Variants in SESN1 observed in about 807,000 individuals in gnomAD.
The protein encoded by SESN1 is sestrin-1.
In SESN1, 30 loss-of-function variants were observed where a neutral mutation model predicts 59.3. That is an observed-to-expected ratio of 0.51 (90% confidence interval 0.38 to 0.69). The LOEUF (loss-of-function observed/expected upper bound fraction) is 0.69, where lower values mean the gene tolerates loss of function less well. Among genes scored for constraint, SESN1 ranks in the 30% least tolerant of loss-of-function variants. The pLI is 0.00. For synonymous variants in SESN1, 197 were observed against 219.9 expected (o/e 0.90, Z 0.92); for missense variants, 566 against 673.0 (o/e 0.84, Z 1.76).
chr6:109,011,843 G>A (rs73518336), intron 1 of SESN1, among the ~76,000 whole-genome samples: 1,522 of 151,804 alleles, frequency 0.01, 34 homozygotes, highest in African/African-American at 0.035. Context: ...TGTCTAGGCT[G>A]GTCTCAAATT....
chr6:109,075,868 G>A (rs945405715), intron 1 of SESN1, among the ~76,000 whole-genome samples: 1 of 152,082 alleles, frequency 6.6e-6, no homozygotes, highest in African/African-American at 2.4e-5. Flanking sequence ...CCCCCTCCCC[G>A]ACCCCAGAGG....
At chr6:109,001,262 C>A (rs960415353) in intron 3 of SESN1, 26 bp downstream of exon 3, 5 of 1,602,034 alleles carry the variant, frequency 3.1e-6, no homozygotes, top group Non-Finnish European at 4.3e-6. Context: ...TAGGCAAAAA[C>A]AATTTTTCAC....
rs974097192 is a variant in SESN1, at chr6:108,986,722, A to G, written c.*822T>C. On this transcript the variant is annotated 3_prime_UTR_variant, in exon 10 of 10. Coordinates refer to ENST00000436639, the MANE Select transcript of SESN1 (RefSeq NM_014454.3). ...GGACTGCGCAGCAGTCTACAGCAAC[A>G]TGTCCCACAACTTTGGTGCTGGAAA... The G allele has an allele frequency of 6.6e-6, 1 of 152,258 alleles. No homozygotes were observed. Among genetic ancestry groups the G allele is most frequent in the Non-Finnish European group, 1.5e-5 (1 of 68,054 alleles). 9.4% of individuals were successfully genotyped at this position (152,258 alleles called of 1,614,324 possible).
intron 6 of SESN1, among the ~76,000 whole-genome samples, chr6:108,993,809 C>G (rs960324704): frequency 2.0e-5 from 3 of 152,004 alleles, no homozygotes; most frequent in African/African-American, 7.3e-5. Context: ...GAATGCCTGG[C>G]TTCAAGGTGA....
At chr6:109,021,371 T>C (rs1780007919) in intron 1 of SESN1, among the ~76,000 whole-genome samples, 1 of 152,168 alleles carries the variant, frequency 6.6e-6, no homozygotes, top group Non-Finnish European at 1.5e-5. Flanking sequence ...CCCCCAATAT[T>C]TCATTGTTTT....
intron 1 of SESN1, among the ~76,000 whole-genome samples, chr6:109,033,142 TAGA>T (rs1428649505): frequency 6.6e-6 from 1 of 152,150 alleles, no homozygotes; most frequent in Non-Finnish European, 1.5e-5. Flanking sequence ...GGTGTGATTT[TAGA>T]AGATTAAGAG....
intron 1 of SESN1, among the ~76,000 whole-genome samples, chr6:109,086,666 G>A (rs145505875): frequency 4.6e-4 from 70 of 152,316 alleles, no homozygotes; most frequent in Middle Eastern, 3.4e-3. Context: ...CCTTCATGAT[G>A]TCATGAACAA....
At chr6:109,071,247 G>A (rs750256111) in intron 1 of SESN1, among the ~76,000 whole-genome samples, 3 of 152,076 alleles carry the variant, frequency 2.0e-5, no homozygotes, top group Non-Finnish European at 4.4e-5. Flanking sequence ...ACGAGTTCAG[G>A]TCGTGTTTGG....
Position 108,988,595 on chromosome 6 carries a change from A to G in SESN1, c.1517T>C (p.Val506Ala). The change falls in exon 9 of 10, where the codon GTT becomes GCT. Residue 506 changes from valine (V) to alanine (A), a missense_variant. Val to Ala is a moderately conservative substitution (Grantham distance 64). Transcript: ENST00000436639. ...IKTVVCTPEK[V>A]TKRMYDSFWR... ...GAAGCTATCATACATTCTTTTGGTAACCTTTTCAGGAGTGCAAACAACAGT... is the reference window on the plus strand; with the variant it reads ...GAAGCTATCATACATTCTTTTGGTAGCCTTTTCAGGAGTGCAAACAACAGT... 2 of 1,613,330 alleles carry G rather than the reference A, an allele frequency of 1.2e-6. No individual in the cohort carries two copies. Among genetic ancestry groups the G allele is most frequent in the African/African-American group, 1.3e-5 (1 of 75,028 alleles).
chr6:109,092,291 T>A (rs2114486134), intron 1 of SESN1, among the ~76,000 whole-genome samples: 1 of 152,300 alleles, frequency 6.6e-6, no homozygotes, highest in African/African-American at 2.4e-5. Context: ...CTAAGAAAGG[T>A]CAAGGAATTT....
At chr6:109,049,612 T>C (rs149672581) in intron 1 of SESN1, among the ~76,000 whole-genome samples, 4 of 151,998 alleles carry the variant, frequency 2.6e-5, no homozygotes, top group Non-Finnish European at 5.9e-5. Flanking sequence ...CACATTGTAA[T>C]TGAAACACTA....
At chr6:109,051,930 G>A (rs1308658844) in intron 1 of SESN1, among the ~76,000 whole-genome samples, 1 of 152,078 alleles carries the variant, frequency 6.6e-6, no homozygotes, top group Non-Finnish European at 1.5e-5. Context: ...CAGCCCTCTG[G>A]CCTAATCACC....
chr6:109,061,678 C>A (rs938625296), intron 1 of SESN1, among the ~76,000 whole-genome samples: 1 of 152,004 alleles, frequency 6.6e-6, no homozygotes, highest in African/African-American at 2.4e-5. Context: ...GTAGCACACA[C>A]CTGTAGTCTT....
chr6:109,034,447 A>C (rs938275278), intron 1 of SESN1, among the ~76,000 whole-genome samples: 1 of 152,200 alleles, frequency 6.6e-6, no homozygotes, highest in Admixed American at 6.5e-5. Context: ...TTATTTATCA[A>C]TTCTTTGAGT....
At position 108,985,524 on chromosome 6, in the gene SESN1, G is replaced by A. The variant is rs547580204; in HGVS notation, c.*2020C>T. ...AAGCACCTGCTAAATGGAAGGCATT[G>A]AAACATTAACTTTGTATCACATGCA... On this transcript the variant is annotated 3_prime_UTR_variant, in exon 10 of 10. Coordinates refer to ENST00000436639, the MANE Select transcript of SESN1 (RefSeq NM_014454.3). Among the ~76,000 whole-genome samples, 115 of 152,296 alleles carry A rather than the reference G, an allele frequency of 7.6e-4. 1 individual carries two copies. The highest frequency in any genetic ancestry group is 6.8e-3 in the Middle Eastern group (2 of 294).
At position 108,986,564 on chromosome 6, in the gene SESN1, A is replaced by AAGTT. The variant is rs1277539686; in HGVS notation, c.*976_*979dup. 3 of 152,676 alleles carry AAGTT rather than the reference A, an allele frequency of 2.0e-5. No individual in the cohort carries two copies. Among genetic ancestry groups the AAGTT allele is most frequent in the Admixed American group, 1.3e-4 (2 of 15,286 alleles). The allele number at this position is 152,676 out of a possible 1,614,324, so 9.5% of individuals were successfully genotyped here. On this transcript the variant is annotated 3_prime_UTR_variant, in exon 10 of 10. Transcript: ENST00000436639. Reference sequence around the variant, plus strand: ...TTCAAACCTGTTTGCATTTCAAACAAAGTTAGCGTTTTTGTAAATCAAATT... The same window carrying AAGTT: ...TTCAAACCTGTTTGCATTTCAAACAAAGTTAGTTAGCGTTTTTGTAAATCAAATT...
chr6:109,049,661 G>A (rs1393732536), intron 1 of SESN1, among the ~76,000 whole-genome samples: 1 of 150,766 alleles, frequency 6.6e-6, no homozygotes, highest in East Asian at 1.9e-4. Flanking sequence ...TTATGTGTCA[G>A]TTAAAAAATA....
intron 1 of SESN1, among the ~76,000 whole-genome samples, chr6:109,043,519 A>G (rs1780375435): frequency 2.6e-5 from 4 of 152,238 alleles, no homozygotes; most frequent in Admixed American, 2.6e-4. Context: ...AAGGGAGTTG[A>G]GCAGGTTGCA....
At chr6:109,041,726 G>A (rs1042404814) in intron 1 of SESN1, among the ~76,000 whole-genome samples, 7 of 151,966 alleles carry the variant, frequency 4.6e-5, no homozygotes, top group Admixed American at 1.3e-4. Context: ...ACGGAAAGGA[G>A]AAATAAACAA....
Sources: gnomAD v4.1 joint callset for allele counts (sites outside exome capture counted in the v4.1 genomes callset) on GRCh38, gnomAD v4.1.1 for gene constraint, MANE v1.5 for transcripts, NCBI Gene and HGNC (gene_info 2026-07-23, HGNC 2026-07-21) for gene names.